Variants in CLSTN2 observed in about 807,000 individuals in gnomAD.
CLSTN2 encodes the protein calsyntenin 2, also known as calsyntenin-2.
Under a neutral mutation model 101.2 loss-of-function variants are expected in CLSTN2, and 48 were observed. That is an observed-to-expected ratio of 0.47 (90% CI 0.38 to 0.60). CLSTN2 has a LOEUF of 0.60. Ranked by LOEUF, CLSTN2 falls within the 20% of genes least tolerant of loss-of-function variation. CLSTN2 has a pLI of 0.00. For synonymous variants in CLSTN2, 481 were observed against 463.6 expected (o/e 1.04, Z -0.48); for missense variants, 1,160 against 1,238.2 (o/e 0.94, Z 0.95).
chr3:140,485,660 C>A (rs183633509), intron 8 of CLSTN2, among the ~76,000 whole-genome samples: 1 of 152,158 alleles, frequency 6.6e-6, no homozygotes, highest in African/African-American at 2.4e-5. Context: ...CAATGGCAGG[C>A]ACCCCTCCCC....
At chr3:140,338,595 C>T (rs781629832) in intron 2 of CLSTN2, among the ~76,000 whole-genome samples, 2 of 152,124 alleles carry the variant, frequency 1.3e-5, no homozygotes, top group East Asian at 1.9e-4. Flanking sequence ...GCTCAGTGAA[C>T]GGTGCACTCA....
At chr3:140,150,872 A>G (rs968031038) in intron 1 of CLSTN2, among the ~76,000 whole-genome samples, 1 of 152,144 alleles carries the variant, frequency 6.6e-6, no homozygotes, top group Non-Finnish European at 1.5e-5. Flanking sequence ...TTCCCAGTAC[A>G]TAAGATAGGT....
chr3:140,440,689 G>A (rs2088753770), intron 5 of CLSTN2, among the ~76,000 whole-genome samples: 1 of 152,184 alleles, frequency 6.6e-6, no homozygotes, highest in Non-Finnish European at 1.5e-5. Flanking sequence ...ATACCAAGTG[G>A]CAGAGCTGGA....
chr3:140,212,810 C>T (rs1156374964), intron 2 of CLSTN2, among the ~76,000 whole-genome samples: 1 of 152,312 alleles, frequency 6.6e-6, no homozygotes, highest in East Asian at 1.9e-4. Context: ...TAAGACCCAC[C>T]AGGCCTCAGC....
chr3:140,538,215 G>A (rs1935396160), intron 9 of CLSTN2, among the ~76,000 whole-genome samples: 1 of 110,230 alleles, frequency 9.1e-6, no homozygotes, highest in South Asian at 2.4e-4. Flanking sequence ...CTCCTCCAGT[G>A]TCATGGGTTG....
chr3:140,128,269 G>A (rs888918448), intron 1 of CLSTN2, among the ~76,000 whole-genome samples: 1 of 152,170 alleles, frequency 6.6e-6, no homozygotes, highest in African/African-American at 2.4e-5. Context: ...GCTCTTGGGC[G>A]AGGGAGGAGA....
rs1553721844 is a variant in CLSTN2, at chr3:140,205,618, G to GCACC, written c.232+29546_232+29547insACCC. On this transcript the variant is annotated intron_variant, in intron 2 of 16. Transcript: ENST00000458420. ...TACAGTTGTTGTTTGGACCTGACCC[G>GCACC]CCCCCCACCCACACACACACACAGC... Among the ~76,000 whole-genome samples, 43 of 67,224 alleles carry GCACC rather than the reference G, an allele frequency of 6.4e-4. 5 individuals carry two copies. Among genetic ancestry groups the GCACC allele is most frequent in the Non-Finnish European group, 1.3e-3 (35 of 27,134 alleles). 44.1% of individuals were successfully genotyped at this position (67,224 alleles called of 152,430 possible). A position where few individuals can be genotyped will look rare whatever the true frequency, so the allele number is the denominator to read the frequency against.
Position 140,419,566 on chromosome 3 carries a change from TATATATAC to T in CLSTN2, c.638-1550_638-1543del, listed in dbSNP as rs1307199338. ...ACATATATACGTGTACGTATATATG[TATATATAC>T]ATATATACGTGTACGTATATATGTA... On this transcript the variant is annotated intron_variant, in intron 4 of 16. Transcript: ENST00000458420. 3.2e-5 allele frequency among the ~76,000 whole-genome samples: 2 copies of T among 61,826 alleles called. 1 individual carries two copies. The allele number at this position is 61,826 out of a possible 152,430, so 40.6% of individuals were successfully genotyped here.
chr3:140,522,987 T>G (rs1221310807), intron 8 of CLSTN2, among the ~76,000 whole-genome samples: 3 of 152,234 alleles, frequency 2.0e-5, no homozygotes, highest in Non-Finnish European at 2.9e-5. Context: ...ACACATGCCC[T>G]AAGCTGTAAA....
intron 2 of CLSTN2, among the ~76,000 whole-genome samples, chr3:140,263,257 A>T (rs980662854): frequency 6.6e-6 from 1 of 152,168 alleles, no homozygotes; most frequent in Non-Finnish European, 1.5e-5. Flanking sequence ...GAGAATGGGA[A>T]CTTGGTTCAT....
chr3:140,436,339 CTG>C (rs1207710485), intron 5 of CLSTN2, among the ~76,000 whole-genome samples: 6 of 152,324 alleles, frequency 3.9e-5, no homozygotes, highest in Non-Finnish European at 5.9e-5. Flanking sequence ...AATGAAGAGA[CTG>C]TCTTTTCCGC....
chr3:140,499,223 C>T (rs1215435928), intron 8 of CLSTN2, among the ~76,000 whole-genome samples: 1 of 152,122 alleles, frequency 6.6e-6, no homozygotes, highest in Non-Finnish European at 1.5e-5. Flanking sequence ...ACTATGGAGC[C>T]CTTACAGAGT....
chr3:140,392,817 C>T (rs1292230214), intron 2 of CLSTN2, among the ~76,000 whole-genome samples: 3 of 151,548 alleles, frequency 2.0e-5, no homozygotes, highest in Non-Finnish European at 4.4e-5. Context: ...ATAGTTGAAA[C>T]TGGGTAATTT....
At chr3:140,471,515 C>A (rs528412837) in intron 8 of CLSTN2, among the ~76,000 whole-genome samples, 1 of 152,246 alleles carries the variant, frequency 6.6e-6, no homozygotes, top group East Asian at 1.9e-4. Flanking sequence ...TGGCTGTTGC[C>A]CTCTCTGTGC....
At position 140,558,629 on chromosome 3, in the gene CLSTN2, T is replaced by G. The variant is rs770842355; in HGVS notation, c.1824-11T>G. The stretch of plus-strand genomic sequence containing the variant: ...TGCTCATCAGTGCCATGACCGAGAA[T>G]GTTTTCCCAGGTGCTTTGGGGAAGA... On this transcript the variant is annotated splice_polypyrimidine_tract_variant and intron_variant, in intron 11 of 16. Coordinates refer to ENST00000458420, the MANE Select transcript of CLSTN2 (RefSeq NM_022131.3). The G allele has an allele frequency of 6.2e-7, 1 of 1,608,136 alleles. No individual in the cohort carries two copies. Among genetic ancestry groups the G allele is most frequent in the Non-Finnish European group, 8.5e-7 (1 of 1,175,126 alleles).
At chr3:140,147,893 T>A (rs982264588) in intron 1 of CLSTN2, among the ~76,000 whole-genome samples, 1 of 152,226 alleles carries the variant, frequency 6.6e-6, no homozygotes, top group Non-Finnish European at 1.5e-5. Context: ...TGTCATTTTT[T>A]AGAGAATGTC....
chr3:140,297,202 G>A (rs891151416), intron 2 of CLSTN2, among the ~76,000 whole-genome samples: 6 of 152,214 alleles, frequency 3.9e-5, no homozygotes, highest in African/African-American at 1.4e-4. Flanking sequence ...TGTTTATTCA[G>A]TCAGCCTCCG....
intron 1 of CLSTN2, among the ~76,000 whole-genome samples, chr3:140,028,495 C>T (rs2007469756): frequency 6.6e-6 from 1 of 152,028 alleles, no homozygotes; most frequent in Non-Finnish European, 1.5e-5. Flanking sequence ...GGAAGGGCTC[C>T]CATGTTAGGA....
chr3:140,078,986 A>C (rs904947141), intron 1 of CLSTN2, among the ~76,000 whole-genome samples: 4 of 152,192 alleles, frequency 2.6e-5, no homozygotes, highest in Non-Finnish European at 4.4e-5. Flanking sequence ...CTGGGGAATA[A>C]GGTGTGGTTT....
Sources: gnomAD v4.1 joint callset for allele counts (sites outside exome capture counted in the v4.1 genomes callset) on GRCh38, gnomAD v4.1.1 for gene constraint, MANE v1.5 for transcripts, NCBI Gene and HGNC (gene_info 2026-07-23, HGNC 2026-07-21) for gene names.